RBFOX1: variants seen among roughly 807,000 people sequenced by gnomAD.
The protein encoded by RBFOX1 is RNA binding fox-1 homolog 1, also known as RNA binding protein fox-1 homolog 1.
A neutral mutation model predicts 57.7 loss-of-function variants in RBFOX1; 8 were observed. The ratio of observed to expected loss-of-function variants is 0.14; its 90% CI spans 0.08 to 0.25. RBFOX1 has a LOEUF of 0.25. RBFOX1 is among the 10% of genes least tolerant of loss of function. The pLI, the probability that RBFOX1 is intolerant of heterozygous loss-of-function variation, is 1.00. For missense variants in RBFOX1, 611 were observed against 548.5 expected (o/e 1.11, Z -1.14); for synonymous variants, 326 against 222.4 (o/e 1.47, Z -4.15).
At chr16:5,615,019 G>A (rs1442700294) in intron 3 of RBFOX1, among the ~76,000 whole-genome samples, 1 of 152,164 alleles carries the variant, frequency 6.6e-6, no homozygotes, top group Non-Finnish European at 1.5e-5. Context: ...GCAACAGAAA[G>A]TGTGTAGCAT....
intron 2 of RBFOX1, among the ~76,000 whole-genome samples, chr16:6,634,084 CACACATACACATACACAT>C (rs60932754): frequency 5.9e-5 from 9 of 151,578 alleles, no homozygotes; most frequent in African/African-American, 1.9e-4. Flanking sequence ...CACATACACA[CACACATACACATACACAT>C]ACACACAGAC....
intron 3 of RBFOX1, among the ~76,000 whole-genome samples, chr16:6,868,540 C>G (rs963441259): frequency 1.3e-5 from 2 of 151,998 alleles, no homozygotes; most frequent in South Asian, 4.1e-4. Context: ...AGTATGATAA[C>G]GGCTCACTGC....
chr16:6,144,433 C>T (rs1317931721), intron 1 of RBFOX1, among the ~76,000 whole-genome samples: 3 of 152,162 alleles, frequency 2.0e-5, no homozygotes, highest in Non-Finnish European at 4.4e-5. Flanking sequence ...CTATTAAAAG[C>T]ATAATGAAAA....
chr16:6,485,094 C>A (rs1187422290), intron 2 of RBFOX1, among the ~76,000 whole-genome samples: 1 of 152,146 alleles, frequency 6.6e-6, no homozygotes, highest in Non-Finnish European at 1.5e-5. Context: ...TTTGCTATGA[C>A]TAAGTTTGAA....
chr16:6,398,056 A>G (rs878989860), intron 2 of RBFOX1, among the ~76,000 whole-genome samples: 1 of 152,208 alleles, frequency 6.6e-6, no homozygotes, highest in Non-Finnish European at 1.5e-5. Context: ...GGAAACTTAC[A>G]ATTATGGCAG....
chr16:6,322,700 C>A (rs953781395), intron 2 of RBFOX1, among the ~76,000 whole-genome samples: 3 of 152,120 alleles, frequency 2.0e-5, no homozygotes, highest in Non-Finnish European at 4.4e-5. Flanking sequence ...TCCAGGGAGA[C>A]ACAGTTCTCT....
At chr16:5,455,696 C>A (rs1034718541) in intron 1 of RBFOX1, among the ~76,000 whole-genome samples, 2 of 152,198 alleles carry the variant, frequency 1.3e-5, no homozygotes, top group South Asian at 4.1e-4. Flanking sequence ...CATAGACAGG[C>A]AGCCCTTTAG....
chr16:6,976,406 C>A (rs1451518820), intron 3 of RBFOX1, among the ~76,000 whole-genome samples: 1 of 152,080 alleles, frequency 6.6e-6, no homozygotes, highest in African/African-American at 2.4e-5. Flanking sequence ...AATCCAGTTT[C>A]CAGAGGCGAG....
chr16:6,396,857 T>G (rs538833139), intron 2 of RBFOX1, among the ~76,000 whole-genome samples: 1 of 152,088 alleles, frequency 6.6e-6, no homozygotes, highest in Non-Finnish European at 1.5e-5. Flanking sequence ...ATGTGAATAG[T>G]AATTAAAGAA....
At position 5,486,457 on chromosome 16, in the gene RBFOX1, C is replaced by A. The variant is rs139136837; in HGVS notation, c.258+19203C>A. Among the ~76,000 whole-genome samples the A allele has an allele frequency of 1.1e-4, 17 of 152,336 alleles. No homozygotes were observed. In the East Asian group the frequency reaches 3.3e-3, roughly 29 times the overall value. On this transcript the variant is annotated intron_variant, in intron 2 of 2. Transcript: ENST00000585867. ...CAACTCCGTCATTGTACAGAGTGAT[C>A]TGTTTTGAGTGTGGACTCCTTGGCT...
intron 4 of RBFOX1, among the ~76,000 whole-genome samples, chr16:7,427,500 C>A (rs1404610481): frequency 6.6e-6 from 1 of 152,046 alleles, no homozygotes; most frequent in Non-Finnish European, 1.5e-5. Context: ...TCTCCCAGTG[C>A]AGAAGAAAAT....
chr16:5,842,778 C>T (rs1284193676), intron 3 of RBFOX1, among the ~76,000 whole-genome samples: 1 of 152,042 alleles, frequency 6.6e-6, no homozygotes, highest in Non-Finnish European at 1.5e-5. Context: ...TACTGTGTAC[C>T]AATCGCTTTG....
chr16:7,425,741 C>T (rs1398087814), intron 4 of RBFOX1, among the ~76,000 whole-genome samples: 1 of 152,192 alleles, frequency 6.6e-6, no homozygotes, highest in Non-Finnish European at 1.5e-5. Context: ...GACCCCTCCT[C>T]CCTCTTTTAA....
At chr16:6,583,359 C>T (rs1485668486) in intron 2 of RBFOX1, among the ~76,000 whole-genome samples, 1 of 152,120 alleles carries the variant, frequency 6.6e-6, no homozygotes, top group African/African-American at 2.4e-5. Context: ...GAGCAATGGG[C>T]CTGCTGATGC....
chr16:5,307,282 C>T (rs1340647962), intron 1 of RBFOX1, among the ~76,000 whole-genome samples: 1 of 152,182 alleles, frequency 6.6e-6, no homozygotes, highest in Non-Finnish European at 1.5e-5. Flanking sequence ...TTTTCTGGCA[C>T]TCAGGTGTGC....
At chr16:6,043,093 G>C (rs952549457) in intron 1 of RBFOX1, among the ~76,000 whole-genome samples, 9 of 118,688 alleles carry the variant, frequency 7.6e-5, no homozygotes, top group African/African-American at 3.0e-4. Flanking sequence ...ACTGCAGCCT[G>C]GGCGACAGAG....
At chr16:6,028,701 C>G (rs2095242970) in intron 1 of RBFOX1, among the ~76,000 whole-genome samples, 1 of 152,016 alleles carries the variant, frequency 6.6e-6, no homozygotes, top group Non-Finnish European at 1.5e-5. Flanking sequence ...GAACATGAAG[C>G]TCTTTGTAGA....
intron 10 of RBFOX1, among the ~76,000 whole-genome samples, chr16:7,609,250 T>C (rs2056952554): frequency 6.6e-6 from 1 of 152,126 alleles, no homozygotes; most frequent in Non-Finnish European, 1.5e-5. Context: ...AGGAAGGGTA[T>C]GGATGTGAGT....
At chr16:6,167,030 C>T (rs2152757018) in intron 1 of RBFOX1, among the ~76,000 whole-genome samples, 1 of 152,316 alleles carries the variant, frequency 6.6e-6, no homozygotes, top group African/African-American at 2.4e-5. Flanking sequence ...GCCTCAGCCT[C>T]CCAAAGTACT....
Sources: gnomAD v4.1 joint callset for allele counts (sites outside exome capture counted in the v4.1 genomes callset) on GRCh38, gnomAD v4.1.1 for gene constraint, MANE v1.5 for transcripts, NCBI Gene and HGNC (gene_info 2026-07-23, HGNC 2026-07-21) for gene names.